Variants in TMEM178B observed in about 807,000 individuals in gnomAD.
TMEM178B encodes the protein transmembrane protein 178B.
A neutral mutation model predicts 31.0 loss-of-function variants in TMEM178B; 5 were observed. That is an observed-to-expected ratio of 0.16 (90% CI 0.08 to 0.34). TMEM178B has a LOEUF of 0.34. Among genes scored for constraint, TMEM178B ranks in the 10% least tolerant of loss-of-function variants. The pLI is 1.00. For synonymous variants in TMEM178B, 164 were observed against 164.0 expected, an observed-to-expected ratio of 1.00 and a Z score of 0.00; for missense variants, 275 against 400.3, an observed-to-expected ratio of 0.69 and a Z score of 2.67.
intron 2 of TMEM178B, among the ~76,000 whole-genome samples, chr7:141,339,231 G>T (rs1277220006): frequency 6.6e-6 from 1 of 152,188 alleles, no homozygotes; most frequent in East Asian, 1.9e-4. Context: ...CCAAGGGATG[G>T]TGTCTGCAGG....
intron 2 of TMEM178B, among the ~76,000 whole-genome samples, chr7:141,362,328 A>G (rs947353253): frequency 3.3e-5 from 5 of 152,218 alleles, no homozygotes; most frequent in East Asian, 1.9e-4. Flanking sequence ...GAAAATAAAC[A>G]TATGGCACCA....
At chr7:141,505,450 T>G in the TMEM178B span, among the ~76,000 whole-genome samples, 1 of 152,252 alleles carries the variant, frequency 6.6e-6, no homozygotes, top group Non-Finnish European at 1.5e-5. Context: ...CTCGCTACAC[T>G]GAACTCAGCT....
At chr7:141,416,273 A>C (rs1271779003) in intron 2 of TMEM178B, 1 of 152,530 alleles carries the variant, frequency 6.6e-6, no homozygotes, top group East Asian at 1.9e-4. Flanking sequence ...CATTCCCACC[A>C]CCTCTACATC....
intron 1 of TMEM178B, among the ~76,000 whole-genome samples, chr7:141,191,362 T>G (rs1351616729): frequency 6.6e-6 from 1 of 152,234 alleles, no homozygotes; most frequent in East Asian, 1.9e-4. Context: ...TTGGAGAAAT[T>G]ACTAACTGTG....
chr7:141,351,754 A>G lies in TMEM178B; in HGVS notation c.497-85854A>G, dbSNP rs1362726841. Among the ~76,000 whole-genome samples, 3 of 152,184 alleles carry G rather than the reference A, an allele frequency of 2.0e-5. No individual in the cohort carries two copies. In the East Asian group the frequency reaches 5.8e-4, roughly 29 times the overall value. On this transcript the variant is annotated intron_variant, in intron 2 of 3. Transcript: ENST00000565468. ...TTAAAAATTGAAAAAATGTCCTACC[A>G]ATTTTATGACCCTTTTTAGCACCCC... is the stretch of plus-strand genomic sequence containing the variant.
At chr7:141,300,501 A>G (rs1238799568) in intron 2 of TMEM178B, among the ~76,000 whole-genome samples, 1 of 151,886 alleles carries the variant, frequency 6.6e-6, no homozygotes, top group Non-Finnish European at 1.5e-5. Context: ...GTCCCAATCC[A>G]CCCCTCTCTC....
At chr7:141,419,885 T>A (rs1455623330) in intron 2 of TMEM178B, among the ~76,000 whole-genome samples, 1 of 152,178 alleles carries the variant, frequency 6.6e-6, no homozygotes, top group Non-Finnish European at 1.5e-5. Flanking sequence ...CATGTTATAA[T>A]AATTACGTGG....
chr7:141,084,114 C>A (rs187978416), intron 1 of TMEM178B, among the ~76,000 whole-genome samples: 46 of 152,284 alleles, frequency 3.0e-4, no homozygotes, highest in African/African-American at 8.9e-4. Context: ...CTATTCAGCA[C>A]ATTTATTGAG....
intron 2 of TMEM178B, among the ~76,000 whole-genome samples, chr7:141,307,433 C>T (rs552685217): frequency 6.6e-6 from 1 of 152,346 alleles, no homozygotes; most frequent in South Asian, 2.1e-4. Context: ...CTGGCAGCGG[C>T]TGCCACTCAC....
At chr7:141,207,488 G>A (rs1462653518) in intron 1 of TMEM178B, among the ~76,000 whole-genome samples, 1 of 152,178 alleles carries the variant, frequency 6.6e-6, no homozygotes, top group African/African-American at 2.4e-5. Flanking sequence ...CATCCTAACA[G>A]GTATGAGGTG....
rs967714674 is a variant in TMEM178B, at chr7:141,474,591, T to G, written c.*3805T>G. On this transcript the variant is annotated 3_prime_UTR_variant, in exon 4 of 4. Transcript: ENST00000565468. Reference sequence around the variant, plus strand: ...CCTCCAAATCTAGACAAAGACTTTCTTAAGCGCCCTGAGCCCAGGTGCATA... The same window carrying G: ...CCTCCAAATCTAGACAAAGACTTTCGTAAGCGCCCTGAGCCCAGGTGCATA... 2 of 152,234 alleles carry G rather than the reference T, an allele frequency of 1.3e-5. No homozygotes were observed. The highest frequency in any genetic ancestry group is 2.9e-5 in the Non-Finnish European group (2 of 68,068). 9.4% of individuals were successfully genotyped at this position (152,234 alleles called of 1,614,324 possible).
the TMEM178B span, among the ~76,000 whole-genome samples, chr7:141,497,156 CTAA>C: frequency 6.6e-6 from 1 of 152,146 alleles, no homozygotes. Context: ...GAAGCCATCC[CTAA>C]TAAGATCTGA....
intron 1 of TMEM178B, among the ~76,000 whole-genome samples, chr7:141,114,747 A>G (rs780592243): frequency 3.9e-5 from 6 of 152,162 alleles, no homozygotes; most frequent in Non-Finnish European, 8.8e-5. Flanking sequence ...CAGATAACCT[A>G]CTGCATATAA....
At chr7:141,115,391 T>A (rs907994180) in intron 1 of TMEM178B, among the ~76,000 whole-genome samples, 1 of 151,990 alleles carries the variant, frequency 6.6e-6, no homozygotes, top group Admixed American at 6.6e-5. Context: ...GGGACTCCAG[T>A]GTTATGTAAC....
chr7:141,320,893 C>G (rs1799087520), intron 2 of TMEM178B, among the ~76,000 whole-genome samples: 1 of 152,172 alleles, frequency 6.6e-6, no homozygotes, highest in South Asian at 2.1e-4. Context: ...AAGCTCCAGG[C>G]TGTGGCACCC....
chr7:141,426,865 A>T (rs1801327534), intron 2 of TMEM178B, among the ~76,000 whole-genome samples: 1 of 152,190 alleles, frequency 6.6e-6, no homozygotes, highest in African/African-American at 2.4e-5. Flanking sequence ...ATAACTAATA[A>T]ATTAAAGTTG....
At position 141,464,758 on chromosome 7, in the gene TMEM178B, C is replaced by T. The variant is rs73520431; in HGVS notation, c.635-5778C>T. Among the ~76,000 whole-genome samples, 879 of 152,280 alleles carry T rather than the reference C, an allele frequency of 5.8e-3. 8 individuals carry two copies. Among genetic ancestry groups the T allele is most frequent in the African/African-American group, 0.02 (820 of 41,544 alleles). Reference sequence around the variant, plus strand: ...ATGTCTCCCTCCTTCCCCATCATCACAGTTACTATGCCACCAATGCCCCCT... The same window carrying T: ...ATGTCTCCCTCCTTCCCCATCATCATAGTTACTATGCCACCAATGCCCCCT... On this transcript the variant is annotated intron_variant, in intron 3 of 3. Coordinates refer to ENST00000565468, the MANE Select transcript of TMEM178B (RefSeq NM_001195278.2).
rs971678821 is a variant in TMEM178B, at chr7:141,311,283, A to T, written c.496+98579A>T. 2.0e-5 allele frequency among the ~76,000 whole-genome samples: 3 copies of T among 152,342 alleles called. No individual in the cohort carries two copies. The South Asian group carries it at 6.2e-4, about 32-fold the overall frequency. On this transcript the variant is annotated intron_variant, in intron 2 of 3. Coordinates refer to ENST00000565468, the MANE Select transcript of TMEM178B (RefSeq NM_001195278.2). ...TGTAACAAACAGGCACATCCTGCAC[A>T]TGTATCCTGGAACCTAAAATAAAGT...
In TMEM178B at chr7:141,470,623, C is replaced by T; in HGVS notation, c.722C>T (p.Pro241Leu). 6.5e-7 allele frequency: 1 copy of T among 1,535,566 alleles called. No individual in the cohort carries two copies. Among genetic ancestry groups the T allele is most frequent in the Non-Finnish European group, 8.7e-7 (1 of 1,146,750 alleles). The change falls in exon 4 of 4, where the codon CCT (proline) becomes CTT (leucine). Residue 241 changes from proline (P) to leucine (L), a missense_variant. Transcript: ENST00000565468. ...TACCCACGCTACCTGTACGGACTCC[C>T]TGATGACATCAGCCATGGCTATGGC... is the stretch of plus-strand genomic sequence containing the variant. ...SRYPRYLYGL[P>L]DDISHGYGWS... is the part of the protein sequence containing the mutation.
Sources: gnomAD v4.1 joint callset for allele counts (sites outside exome capture counted in the v4.1 genomes callset) on GRCh38, gnomAD v4.1.1 for gene constraint, MANE v1.5 for transcripts, NCBI Gene and HGNC (gene_info 2026-07-23, HGNC 2026-07-21) for gene names.